The following SLCO2A1 variants were observed in gnomAD, a reference collection of about 807,000 sequenced individuals.
SLCO2A1 encodes solute carrier organic anion transporter family member 2A1, also known as matrin F/G 1.
In SLCO2A1, 60 loss-of-function variants were observed where a neutral mutation model predicts 71.7. The ratio of observed to expected loss-of-function variants is 0.84; its 90% CI spans 0.68 to 1.04. The LOEUF (loss-of-function observed/expected upper bound fraction) is 1.04. Ranked by LOEUF, SLCO2A1 falls within the 50% of genes least tolerant of loss-of-function variation. The probability of loss-of-function intolerance (pLI) is 0.00; values close to 1 mark genes in which losing one functional copy is unlikely to be tolerated. For missense variants in SLCO2A1, 745 were observed against 813.4 expected (o/e 0.92, Z 1.02); for synonymous variants, 308 against 326.7 (o/e 0.94, Z 0.62).
chr3:133,975,701 A>G (rs1240254435), intron 2 of SLCO2A1, among the ~76,000 whole-genome samples: 1 of 151,934 alleles, frequency 6.6e-6, no homozygotes, highest in Non-Finnish European at 1.5e-5. Context: ...TGACCACACC[A>G]AAGAACAAAG....
chr3:133,980,197 T>C (rs555714083), intron 1 of SLCO2A1, among the ~76,000 whole-genome samples: 23 of 152,338 alleles, frequency 1.5e-4, no homozygotes, highest in African/African-American at 5.5e-4. Flanking sequence ...CTGGTTTGAA[T>C]GAATGTTCCC....
rs779203269 is a variant in SLCO2A1 at position 133,945,163 on chromosome 3, C to T, written c.1393G>A (p.Glu465Lys). Residue 465 changes from glutamate to lysine, a missense_variant, in exon 10 of 14, where the codon GAG becomes AAG. Physicochemically the swap from Glu to Lys is moderately conservative, Grantham distance 56. Coordinates refer to ENST00000310926, the MANE Select transcript of SLCO2A1 (RefSeq NM_005630.3). ...CCGGCATGGCAAGGGGAGAGGTACT[C>T]GATTCCATTGTCTCCACAGACCGGG... Reference protein sequence around the residue: ...FHPVCGDNGIEYLSPCHAGCS... With the variant: ...FHPVCGDNGIKYLSPCHAGCS... 8.1e-6 allele frequency: 13 copies of T among 1,613,982 alleles called. No individual in the cohort carries two copies. Among genetic ancestry groups the T allele is most frequent in the South Asian group, 3.3e-5 (3 of 91,082 alleles).
At chr3:133,938,276 A>G (rs1452507045) in intron 12 of SLCO2A1, among the ~76,000 whole-genome samples, 153 bp downstream of exon 12, 4 of 152,206 alleles carry the variant, frequency 2.6e-5, no homozygotes, top group African/African-American at 9.6e-5. Context: ...GAAACCGTCC[A>G]CATGGATTTT....
chr3:133,953,038 AT>A (rs974141869), intron 5 of SLCO2A1, among the ~76,000 whole-genome samples: 232 of 147,554 alleles, frequency 1.6e-3, no homozygotes, highest in African/African-American at 3.6e-3. Flanking sequence ...GAACCATAGA[AT>A]TTTTTTTTTT....
intron 1 of SLCO2A1, among the ~76,000 whole-genome samples, chr3:133,983,440 T>C (rs1331365390): frequency 1.3e-5 from 2 of 152,246 alleles, no homozygotes; most frequent in Non-Finnish European, 2.9e-5. Context: ...TGAAGATTTG[T>C]CAGATTTGTC....
chr3:134,021,011 C>T (rs1300011158), intron 1 of SLCO2A1, among the ~76,000 whole-genome samples: 1 of 152,002 alleles, frequency 6.6e-6, no homozygotes, highest in African/African-American at 2.4e-5. Context: ...TCATCACCCA[C>T]GGCATGCCTG....
chr3:133,935,834 G>A lies in SLCO2A1; in HGVS notation c.1754C>T (p.Ser585Leu), dbSNP rs1422287786. Residue 585 changes from serine to leucine, a missense_variant, in exon 13 of 14, where the codon TCG (serine) becomes TTG (leucine). By Grantham distance (145) the Ser-to-Leu change is moderately radical. Coordinates refer to ENST00000310926, the MANE Select transcript of SLCO2A1 (RefSeq NM_005630.3). ...TIDHSCIRWN[S>L]LCLGRRGACA... ...GGCCCCTCGCCTCCCCAAGCACAGCGAGTTCCACCGGATGCAGGAGTGGTC... is the reference window on the plus strand; with the variant it reads ...GGCCCCTCGCCTCCCCAAGCACAGCAAGTTCCACCGGATGCAGGAGTGGTC... 3.7e-6 allele frequency: 6 copies of A among 1,611,762 alleles called. No individual in the cohort carries two copies. The highest frequency in any genetic ancestry group is 2.2e-5 in the East Asian group (1 of 44,842).
intron 1 of SLCO2A1, among the ~76,000 whole-genome samples, chr3:133,995,087 G>A (rs976962507): frequency 6.6e-6 from 1 of 152,038 alleles, no homozygotes; most frequent in Non-Finnish European, 1.5e-5. Context: ...CCGAGGGACT[G>A]GTACCCAGAT....
chr3:133,966,942 T>A lies in SLCO2A1; in HGVS notation c.397+6721A>T, dbSNP rs530829548. On this transcript the variant is annotated intron_variant, in intron 3 of 13. Transcript: ENST00000310926. Reference sequence around the variant, plus strand: ...GTTTCTTTGAACCACATTTCCCTTTTTCTGTGGGGCTTTCCCTCATTCTCA... The same window carrying A: ...GTTTCTTTGAACCACATTTCCCTTTATCTGTGGGGCTTTCCCTCATTCTCA... 2.6e-5 allele frequency among the ~76,000 whole-genome samples: 4 copies of A among 152,184 alleles called. No individual in the cohort carries two copies. In the East Asian group the frequency reaches 7.7e-4, roughly 29 times the overall value.
At chr3:133,940,606 G>A (rs1405241353) in intron 11 of SLCO2A1, among the ~76,000 whole-genome samples, 2 of 152,168 alleles carry the variant, frequency 1.3e-5, no homozygotes, top group African/African-American at 4.8e-5. Flanking sequence ...GTAGTTTTAT[G>A]TCAGGGCTGG....
intron 1 of SLCO2A1, among the ~76,000 whole-genome samples, chr3:134,007,958 G>C (rs72980397): frequency 0.14 from 21,647 of 152,152 alleles, 1,690 homozygotes; most frequent in Non-Finnish European, 0.17. Flanking sequence ...TCTATTTTAT[G>C]TGGTGTTTGT....
intron 1 of SLCO2A1, among the ~76,000 whole-genome samples, chr3:134,026,042 C>G (rs562269379): frequency 1.3e-5 from 2 of 152,012 alleles, no homozygotes; most frequent in African/African-American, 4.8e-5. Flanking sequence ...ATGGGAAGCC[C>G]GAGAATTAGT....
At chr3:134,026,415 T>C (rs1935702159) in intron 1 of SLCO2A1, among the ~76,000 whole-genome samples, 1 of 151,710 alleles carries the variant, frequency 6.6e-6, no homozygotes, top group African/African-American at 2.4e-5. Context: ...GTTTTGTTAT[T>C]GGCACTATTA....
chr3:133,963,583 C>A (rs1934095441), intron 3 of SLCO2A1, among the ~76,000 whole-genome samples: 2 of 152,246 alleles, frequency 1.3e-5, no homozygotes, highest in African/African-American at 4.8e-5. Flanking sequence ...TTAAGAGCCA[C>A]CCATCCCCTC....
chr3:134,007,341 T>C (rs1039002590), intron 1 of SLCO2A1, among the ~76,000 whole-genome samples: 6 of 152,224 alleles, frequency 3.9e-5, no homozygotes, highest in African/African-American at 1.4e-4. Flanking sequence ...AATTTATCTA[T>C]TTTAACTTTT....
intron 1 of SLCO2A1, among the ~76,000 whole-genome samples, chr3:134,000,237 T>G (rs1255079030): frequency 1.1e-4 from 17 of 151,834 alleles, no homozygotes; most frequent in Admixed American, 1.1e-3. Context: ...GGAGACCAAG[T>G]AGAGATGTCC....
At chr3:134,014,191 G>A (rs1401101234) in intron 1 of SLCO2A1, among the ~76,000 whole-genome samples, 1 of 152,110 alleles carries the variant, frequency 6.6e-6, no homozygotes, top group Non-Finnish European at 1.5e-5. Context: ...TGAAGGTAGG[G>A]GTCTGCCCTG....
At chr3:133,940,477 T>C (rs1033331696) in intron 11 of SLCO2A1, among the ~76,000 whole-genome samples, 3 of 152,170 alleles carry the variant, frequency 2.0e-5, no homozygotes, top group African/African-American at 7.2e-5. Flanking sequence ...TCCTTGTACC[T>C]AGGGTTTGAC....
At chr3:133,998,187 G>A (rs867262373) in intron 1 of SLCO2A1, among the ~76,000 whole-genome samples, 2 of 152,128 alleles carry the variant, frequency 1.3e-5, no homozygotes, top group Admixed American at 6.5e-5. Flanking sequence ...TCTTTCCTAG[G>A]CCCACCACAC....
Sources: allele counts gnomAD v4.1 joint callset (sites outside exome capture counted in the v4.1 genomes callset), GRCh38; gene constraint gnomAD v4.1.1; transcripts MANE v1.5; gene names NCBI Gene and HGNC (gene_info 2026-07-23, HGNC 2026-07-21).